Variants in WWC2 observed in about 807,000 individuals in gnomAD.
WWC2 encodes the protein WW and C2 domain containing 2, also known as protein WWC2.
In WWC2, 101 loss-of-function variants were observed where a neutral mutation model predicts 138.5. The ratio of observed to expected loss-of-function variants is 0.73; its 90% confidence interval spans 0.62 to 0.86. The LOEUF (loss-of-function observed/expected upper bound fraction) is 0.86, where lower values mean the gene tolerates loss of function less well. Ranked by LOEUF, WWC2 falls within the 40% of genes least tolerant of loss-of-function variation. WWC2 has a pLI of 0.00. For synonymous variants in WWC2, 558 were observed against 538.4 expected, an observed-to-expected ratio of 1.04 and a Z score of -0.50; for missense variants, 1,420 against 1,419.4, an observed-to-expected ratio of 1.00 and a Z score of -0.01.
At chr4:183,144,164 C>G (rs966674125) in intron 1 of WWC2, among the ~76,000 whole-genome samples, 1 of 152,152 alleles carries the variant, frequency 6.6e-6, no homozygotes, top group African/African-American at 2.4e-5. Flanking sequence ...TGATTTGTGT[C>G]TCCCATTTGA....
At chr4:183,252,191 A>G (rs148660764) in intron 8 of WWC2, among the ~76,000 whole-genome samples, 103 of 152,314 alleles carry the variant, frequency 6.8e-4, no homozygotes, top group Middle Eastern at 3.4e-3. Context: ...CTTCCCTTCT[A>G]CAAGTTCTCC....
intron 1 of WWC2, among the ~76,000 whole-genome samples, chr4:183,144,870 A>G (rs953803388): frequency 6.6e-6 from 1 of 152,242 alleles, no homozygotes; most frequent in Non-Finnish European, 1.5e-5. Context: ...AAAAAGTGTC[A>G]TGGCAACATC....
At chr4:183,274,960 A>G (rs1035546765) in intron 16 of WWC2, among the ~76,000 whole-genome samples, 2 of 152,158 alleles carry the variant, frequency 1.3e-5, no homozygotes, top group Non-Finnish European at 2.9e-5. Context: ...GTTTTGAAGT[A>G]TGTAATACAA....
chr4:183,200,867 T>C (rs6845251), intron 2 of WWC2, among the ~76,000 whole-genome samples: 111,573 of 152,040 alleles, frequency 0.73, 41,699 homozygotes, highest in Middle Eastern at 0.89. Context: ...ACTTATTCTA[T>C]GTTCTGTTCA....
chr4:183,134,275 G>A (rs1168761675), intron 1 of WWC2, among the ~76,000 whole-genome samples: 1 of 149,062 alleles, frequency 6.7e-6, no homozygotes, highest in Non-Finnish European at 1.5e-5. Context: ...TATTTTCTGT[G>A]CCTATTATTA....
chr4:183,240,360 A>ATTTTTAAT, intron 5 of WWC2, 98 bp downstream of exon 5: 4 of 909,816 alleles, frequency 4.4e-6, no homozygotes, highest in Non-Finnish European at 6.2e-6. Context: ...GATTTCTTAA[A>ATTTTTAAT]GAAACGTAAA....
At chr4:183,218,390 A>G (rs541472495) in intron 4 of WWC2, among the ~76,000 whole-genome samples, 15 of 149,190 alleles carry the variant, frequency 1.0e-4, no homozygotes, top group African/African-American at 3.2e-4. Context: ...ACATTGGTAT[A>G]TAAGTATCTG....
At chr4:183,107,754 T>C (rs1278467265) in intron 1 of WWC2, among the ~76,000 whole-genome samples, 3 of 152,122 alleles carry the variant, frequency 2.0e-5, no homozygotes, top group Non-Finnish European at 2.9e-5. Context: ...ATTGTAGATA[T>C]GCATTAATTA....
intron 22 of WWC2, among the ~76,000 whole-genome samples, chr4:183,314,002 G>T (rs1289461119): frequency 6.6e-6 from 1 of 152,060 alleles, no homozygotes; most frequent in Non-Finnish European, 1.5e-5. Flanking sequence ...CCCAGAAGAA[G>T]CGAGTGTTTT....
chr4:183,167,948 TG>T (rs1246979419), intron 1 of WWC2, among the ~76,000 whole-genome samples: 2 of 150,668 alleles, frequency 1.3e-5, no homozygotes, highest in Non-Finnish European at 3.0e-5. Flanking sequence ...CTTTGCCTCC[TG>T]GGTTCAAGCG....
chr4:183,303,479 G>A (rs76482367), intron 21 of WWC2, among the ~76,000 whole-genome samples: 2,427 of 152,282 alleles, frequency 0.016, 32 homozygotes, highest in East Asian at 0.083. Flanking sequence ...TTGGGTGGAG[G>A]ACAGCAAATG....
Position 183,265,025 on chromosome 4 carries a change from G to A in WWC2, c.1957G>A (p.Glu653Lys). 1 of 1,613,728 alleles carries A rather than the reference G, an allele frequency of 6.2e-7. No homozygotes were observed. Residue 653 changes from glutamate to lysine, a missense_variant, in exon 12 of 23, where the codon GAG (glutamate) becomes AAG (lysine). Glu to Lys is a moderately conservative substitution (Grantham distance 56). Transcript: ENST00000403733. ...PKRRVIHLLGEKTTCVSAAVS... is the reference protein window; with the variant it reads ...PKRRVIHLLGKKTTCVSAAVS... ...AAGAAGAGTGATCCACTTGCTTGGG[G>A]AGAAAACCACTTGTGTGTCGGCTGC...
At chr4:183,309,144 C>G (rs1739128248) in intron 21 of WWC2, among the ~76,000 whole-genome samples, 1 of 152,110 alleles carries the variant, frequency 6.6e-6, no homozygotes. Context: ...AGAAGTTACC[C>G]TAGGAGAAAA....
rs780438479 is a variant in WWC2 at position 183,319,704 on chromosome 4, G to A, written c.*3975G>A. ...CCCTCCTAGCAGAAGAGAAAGTCCA[G>A]CAAACCAGCCCAGAAACAGGGCCTC... On this transcript the variant is annotated 3_prime_UTR_variant, in exon 23 of 23. Coordinates refer to ENST00000403733, the MANE Select transcript of WWC2 (RefSeq NM_024949.6). The A allele has an allele frequency of 6.2e-7, 1 of 1,613,968 alleles. No homozygotes were observed. The highest frequency in any genetic ancestry group is 8.5e-7 in the Non-Finnish European group (1 of 1,180,034).
chr4:183,116,561 C>G (rs1732415977), intron 1 of WWC2, among the ~76,000 whole-genome samples: 1 of 152,220 alleles, frequency 6.6e-6, no homozygotes, highest in Admixed American at 6.5e-5. Context: ...AAGATACTGC[C>G]TTCGATTCCT....
intron 15 of WWC2, 29 bp downstream of exon 15, chr4:183,269,192 A>G: frequency 1.3e-6 from 2 of 1,502,752 alleles, no homozygotes; most frequent in East Asian, 2.3e-5. Context: ...CCCATTACCA[A>G]ATAGCACTTA....
chr4:183,293,801 G>A lies in WWC2; in HGVS notation c.3384+4166G>A, dbSNP rs540730881. Among the ~76,000 whole-genome samples, 34 of 152,144 alleles carry A rather than the reference G, an allele frequency of 2.2e-4. No homozygotes were observed. In the East Asian group the frequency reaches 4.4e-3, roughly 20 times the overall value. ...TTACACCAACCAGAAACACCTAGAC[G>A]TTTAATTAAGATAATTACAACAGTA... On this transcript the variant is annotated intron_variant, in intron 21 of 22. Transcript: ENST00000403733.
intron 21 of WWC2, among the ~76,000 whole-genome samples, chr4:183,292,643 T>G (rs1422095416): frequency 6.6e-6 from 1 of 151,914 alleles, no homozygotes; most frequent in Non-Finnish European, 1.5e-5. Flanking sequence ...TAAAAATCTA[T>G]CCACAAAGAA....
intron 1 of WWC2, among the ~76,000 whole-genome samples, chr4:183,113,525 TGCGCGCGCAC>T (rs1561420336): frequency 3.0e-5 from 4 of 135,382 alleles, no homozygotes. Context: ...TGCGCGCGCG[TGCGCGCGCAC>T]ATGCACGTGC....
Sources: allele counts gnomAD v4.1 joint callset (sites outside exome capture counted in the v4.1 genomes callset), GRCh38; gene constraint gnomAD v4.1.1; transcripts MANE v1.5; gene names NCBI Gene and HGNC (gene_info 2026-07-23, HGNC 2026-07-21).